Variants in TEX9 observed in about 807,000 individuals in gnomAD.
The protein encoded by TEX9 is testis expressed 9.
TEX9 carries 74 observed loss-of-function variants against 59.6 expected under a neutral mutation model. The ratio of observed to expected loss-of-function variants is 1.24; its 90% CI spans 1.03 to 1.51. TEX9 has a LOEUF of 1.51. Ranked by LOEUF, TEX9 falls within the 40% of genes most tolerant of loss-of-function variation. The pLI is 0.00. For synonymous variants in TEX9, 186 were observed against 152.2 expected, an observed-to-expected ratio of 1.22 and a Z score of -1.64; for missense variants, 522 against 447.8, an observed-to-expected ratio of 1.17 and a Z score of -1.49.
At chr15:56,411,071 A>T (rs2049320908) in intron 9 of TEX9, among the ~76,000 whole-genome samples, 1 of 152,238 alleles carries the variant, frequency 6.6e-6, no homozygotes, top group African/African-American at 2.4e-5. Flanking sequence ...AAAAAATTAT[A>T]AAAGAATATA....
At chr15:56,319,111 T>G (rs1257725435) in intron 1 of TEX9, among the ~76,000 whole-genome samples, 2 of 152,004 alleles carry the variant, frequency 1.3e-5, no homozygotes, top group African/African-American at 2.4e-5. Flanking sequence ...CAAGTGAAAT[T>G]TTAAAAATCT....
In TEX9 at chr15:56,427,642, T is replaced by TA; in HGVS notation, c.1005dup (p.Ser336IlefsTer25). ...GAAGAACACAAAAAAATTGAAGTGT[T>TA]AAAATCAGAAAACAAGAAGCTAGAA... is the stretch of plus-strand genomic sequence containing the variant. On this transcript the variant is annotated frameshift_variant, in exon 11 of 13. Coordinates refer to ENST00000352903, the Ensembl canonical transcript of TEX9. LOFTEE classifies it high-confidence loss of function. 2.6e-6 allele frequency: 4 copies of TA among 1,550,782 alleles called. No individual in the cohort carries two copies. The highest frequency in any genetic ancestry group is 3.5e-6 in the Non-Finnish European group (4 of 1,149,818).
intron 1 of TEX9, among the ~76,000 whole-genome samples, chr15:56,345,577 A>G (rs551808155): frequency 6.6e-6 from 1 of 152,266 alleles, no homozygotes; most frequent in Admixed American, 6.5e-5. Context: ...GGCATGTGCC[A>G]CTGCGCCCAG....
At chr15:56,431,902 T>C (rs1354162695) in intron 12 of TEX9, among the ~76,000 whole-genome samples, 1 of 151,298 alleles carries the variant, frequency 6.6e-6, no homozygotes, top group African/African-American at 2.4e-5. Flanking sequence ...GATATTTTCA[T>C]ATATATATAT....
chr15:56,286,082 A>C (rs1303611982), intron 1 of TEX9, among the ~76,000 whole-genome samples: 1 of 152,138 alleles, frequency 6.6e-6, no homozygotes, highest in Non-Finnish European at 1.5e-5. Context: ...GTGTGTCTGG[A>C]AACTATTTTG....
intron 10 of TEX9, among the ~76,000 whole-genome samples, chr15:56,416,633 G>C (rs992909350): frequency 2.0e-5 from 3 of 151,782 alleles, no homozygotes; most frequent in Non-Finnish European, 4.4e-5. Context: ...GAGGATTTTT[G>C]TATCAGTGTT....
At chr15:56,369,233 CAGGCTG>C (rs1270225582) in intron 2 of TEX9, among the ~76,000 whole-genome samples, 16 of 152,092 alleles carry the variant, frequency 1.1e-4, no homozygotes, top group African/African-American at 3.6e-4. Flanking sequence ...CTCTGATGTC[CAGGCTG>C]GAGTGCAGTG....
At chr15:56,287,967 G>A (rs1162088830) in intron 1 of TEX9, among the ~76,000 whole-genome samples, 2 of 152,142 alleles carry the variant, frequency 1.3e-5, no homozygotes, top group Admixed American at 1.3e-4. Context: ...TGTGAATAAT[G>A]TTGCAACATG....
At chr15:56,275,088 C>T (rs1307404528) in intron 1 of TEX9, among the ~76,000 whole-genome samples, 1 of 152,076 alleles carries the variant, frequency 6.6e-6, no homozygotes, top group Non-Finnish European at 1.5e-5. Context: ...ATCCTATGTC[C>T]CTATGTCTAA....
chr15:56,364,960 C>T (rs2046869343), upstream of TEX9, among the ~76,000 whole-genome samples: 1 of 152,158 alleles, frequency 6.6e-6, no homozygotes, highest in Non-Finnish European at 1.5e-5. Flanking sequence ...TGGTAAGTGG[C>T]AGTGCCAGGA....
At chr15:56,244,927 C>T (rs112643568) in intron 1 of TEX9, among the ~76,000 whole-genome samples, 1 of 152,048 alleles carries the variant, frequency 6.6e-6, no homozygotes, top group Non-Finnish European at 1.5e-5. Flanking sequence ...AGGGAGGCTG[C>T]GTGGATGTAG....
chr15:56,290,516 A>G (rs144821671), intron 1 of TEX9, among the ~76,000 whole-genome samples: 55 of 152,092 alleles, frequency 3.6e-4, no homozygotes, highest in African/African-American at 1.3e-3. Flanking sequence ...TGGTGCAATC[A>G]TGGCTCACTG....
At chr15:56,401,567 A>T (rs1381315102) in intron 9 of TEX9, among the ~76,000 whole-genome samples, 2 of 152,280 alleles carry the variant, frequency 1.3e-5, no homozygotes, top group East Asian at 3.9e-4. Context: ...CCCCACTGTC[A>T]GTATTAGATT....
At chr15:56,458,488 GTTTACA>G in the TEX9 span, among the ~76,000 whole-genome samples, 1 of 151,952 alleles carries the variant, frequency 6.6e-6, no homozygotes, top group Non-Finnish European at 1.5e-5. Flanking sequence ...AAAGTCCATA[GTTTACA>G]TTAAGGTTCA....
intron 3 of TEX9, among the ~76,000 whole-genome samples, chr15:56,380,506 G>A (rs889075632): frequency 1.3e-5 from 2 of 152,060 alleles, no homozygotes. Context: ...TATTACCAGT[G>A]ACTTTTGTAC....
chr15:56,273,020 C>G (rs1298892415), intron 1 of TEX9, among the ~76,000 whole-genome samples: 2 of 151,568 alleles, frequency 1.3e-5, no homozygotes, highest in African/African-American at 4.8e-5. Flanking sequence ...GTGGTGCTAT[C>G]TCAACTCAGT....
At chr15:56,266,467 C>A (rs560757334) in intron 1 of TEX9, among the ~76,000 whole-genome samples, 2 of 151,412 alleles carry the variant, frequency 1.3e-5, no homozygotes, top group East Asian at 3.9e-4. Flanking sequence ...TAATGCTATC[C>A]GTCCCCCATC....
chr15:56,389,693 G>C (rs2048117570), intron 6 of TEX9, among the ~76,000 whole-genome samples: 1 of 128,466 alleles, frequency 7.8e-6, no homozygotes, highest in African/African-American at 2.5e-5. Context: ...GACTACAACT[G>C]GGTTTTTTTT....
chr15:56,457,585 G>A, the TEX9 span, among the ~76,000 whole-genome samples: 1 of 152,168 alleles, frequency 6.6e-6, no homozygotes, highest in South Asian at 2.1e-4. Context: ...CACTTTGGGA[G>A]GCTAAGGTGG....
Sources: gnomAD v4.1 joint callset for allele counts (sites outside exome capture counted in the v4.1 genomes callset) on GRCh38, gnomAD v4.1.1 for gene constraint, MANE v1.5 for transcripts, NCBI Gene and HGNC (gene_info 2026-07-23, HGNC 2026-07-21) for gene names.